Variants in BEND5 observed in about 807,000 individuals in gnomAD.
BEND5 encodes the protein BEN domain-containing protein 5.
In BEND5, 22 loss-of-function variants were observed where a neutral mutation model predicts 43.9. The ratio of observed to expected loss-of-function variants is 0.50; its 90% CI spans 0.36 to 0.72. The LOEUF is 0.72. Ranked by LOEUF, BEND5 falls within the 30% of genes least tolerant of loss-of-function variation. The pLI, the probability that BEND5 is intolerant of heterozygous loss-of-function variation, is 0.00. For missense variants in BEND5, 428 were observed against 550.6 expected, an observed-to-expected ratio of 0.78 and a Z score of 2.23; for synonymous variants, 228 against 225.9, an observed-to-expected ratio of 1.01 and a Z score of -0.08.
At chr1:48,755,329 A>C (rs907595682) in intron 3 of BEND5, among the ~76,000 whole-genome samples, 20 of 152,318 alleles carry the variant, frequency 1.3e-4, no homozygotes, top group African/African-American at 4.8e-4. Context: ...TGATTCTTCC[A>C]GACAGGTAGA....
chr1:48,766,977 A>C lies in BEND5; in HGVS notation c.227-5507T>G, dbSNP rs146612259. On this transcript the variant is annotated intron_variant, in intron 1 of 5. Transcript: ENST00000371833. ...GTGACTTCGTGAGAGACACTGGCTT[A>C]TATAGTGCAAATATCTGCTCTCTAT... Among the ~76,000 whole-genome samples, 503 of 152,356 alleles carry C rather than the reference A, an allele frequency of 3.3e-3. 1 individual carries two copies. Among genetic ancestry groups the C allele is most frequent in the African/African-American group, 0.012 (479 of 41,592 alleles).
intron 4 of BEND5, among the ~76,000 whole-genome samples, chr1:48,737,309 GA>G (rs750040680): frequency 6.6e-6 from 1 of 151,370 alleles, no homozygotes; most frequent in African/African-American, 2.4e-5. Flanking sequence ...AAAAAGAAAA[GA>G]AAAAAAAATC....
chr1:48,769,562 C>CACAT (rs1644704994), intron 1 of BEND5, among the ~76,000 whole-genome samples: 1 of 147,240 alleles, frequency 6.8e-6, no homozygotes, highest in South Asian at 2.2e-4. Context: ...CACACACACA[C>CACAT]ACACACACAA....
At position 48,776,688 on chromosome 1, in the gene BEND5, G is replaced by T. The variant is rs776865452; in HGVS notation, c.144C>A (p.Gly48=). The T allele has an allele frequency of 2.0e-5, 31 of 1,514,846 alleles. No individual in the cohort carries two copies. The highest frequency in any genetic ancestry group is 2.6e-5 in the Non-Finnish European group (30 of 1,132,850). 93.8% of individuals were successfully genotyped at this position (1,514,846 alleles called of 1,614,324 possible). ...CGCGCGGGGGGCTCTCGGGCCCGGC[G>T]CCCAATTCCTCCGGGCCCCGGTACA... is the stretch of plus-strand genomic sequence containing the variant. The part of the protein sequence containing the change: ...YAVYRGPEEL[G]AGPESPPRAP... The change falls in exon 1 of 6, where the codon GGC becomes GGA. Residue 48 remains glycine (G), a synonymous_variant. Coordinates refer to ENST00000371833, the MANE Select transcript of BEND5 (RefSeq NM_024603.4).
intron 1 of BEND5, among the ~76,000 whole-genome samples, chr1:48,774,623 C>T (rs1644989297): frequency 6.6e-6 from 1 of 152,182 alleles, no homozygotes; most frequent in Admixed American, 6.5e-5. Context: ...ACAGATTTAT[C>T]AACATTCTAA....
intron 1 of BEND5, among the ~76,000 whole-genome samples, chr1:48,763,569 A>G (rs1644384624): frequency 6.6e-6 from 1 of 152,112 alleles, no homozygotes; most frequent in African/African-American, 2.4e-5. Flanking sequence ...GTGTTGGGGC[A>G]AAGCTCCTGG....
Position 48,744,553 on chromosome 1 carries a change from C to T in BEND5, c.746-1782G>A, listed in dbSNP as rs535172883. ...GAGGTCCATGAAAGGCACTCACTCA[C>T]GGTCATTTTTAGCAAGAACATGTCT... On this transcript the variant is annotated intron_variant, in intron 3 of 5. Coordinates refer to ENST00000371833, the MANE Select transcript of BEND5 (RefSeq NM_024603.4). Among the ~76,000 whole-genome samples the T allele has an allele frequency of 2.2e-3, 337 of 152,278 alleles. 1 individual carries two copies. The highest frequency in any genetic ancestry group is 2.2e-3 in the Non-Finnish European group (147 of 68,022).
intron 4 of BEND5, among the ~76,000 whole-genome samples, chr1:48,738,367 T>A (rs935091284): frequency 3.3e-5 from 5 of 152,208 alleles, no homozygotes; most frequent in Admixed American, 3.3e-4. Context: ...AATCTGTTCA[T>A]CCGCTCAGGA....
intron 5 of BEND5, among the ~76,000 whole-genome samples, chr1:48,734,259 TG>T (rs1648650867): frequency 6.6e-6 from 1 of 152,010 alleles, no homozygotes; most frequent in East Asian, 1.9e-4. Context: ...AGTCGGCGGG[TG>T]TGTGTTTGAA....
chr1:48,758,541 T>C (rs1389037536), intron 3 of BEND5, among the ~76,000 whole-genome samples: 1 of 152,250 alleles, frequency 6.6e-6, no homozygotes, highest in Non-Finnish European at 1.5e-5. Flanking sequence ...GTTAGGATCA[T>C]GTCTACTTCT....
intron 4 of BEND5, 99 bp downstream of exon 4, chr1:48,742,524 C>T: frequency 8.0e-7 from 1 of 1,253,770 alleles, no homozygotes; most frequent in Non-Finnish European, 1.0e-6. Flanking sequence ...AGGAGGCCAA[C>T]CAGTCAAGCT....
intron 5 of BEND5, among the ~76,000 whole-genome samples, chr1:48,732,870 C>G (rs181470144): frequency 1.3e-5 from 2 of 152,218 alleles, no homozygotes; most frequent in Admixed American, 1.3e-4. Flanking sequence ...GGAGAGGGCC[C>G]ATCAAGGAGA....
chr1:48,776,713 A>C lies in BEND5; in HGVS notation c.119T>G (p.Val40Gly). ...GCCCAATTCCTCCGGGCCCCGGTACACGGCGTACACCTTCTGGTTGTCAAA... is the reference window on the plus strand; with the variant it reads ...GCCCAATTCCTCCGGGCCCCGGTACCCGGCGTACACCTTCTGGTTGTCAAA... Reference protein sequence around the residue: ...LDFDNQKVYAVYRGPEELGAG... With the variant: ...LDFDNQKVYAGYRGPEELGAG... Residue 40 changes from valine to glycine, a missense_variant, in exon 1 of 6, where the codon GTG becomes GGG. Val to Gly is a moderately radical substitution (Grantham distance 109). Coordinates refer to ENST00000371833, the MANE Select transcript of BEND5 (RefSeq NM_024603.4). 6.6e-7 allele frequency: 1 copy of C among 1,522,312 alleles called. No individual in the cohort carries two copies. The highest frequency in any genetic ancestry group is 8.8e-7 in the Non-Finnish European group (1 of 1,135,730). The allele number at this position is 1,522,312 out of a possible 1,614,324, so 94.3% of individuals were successfully genotyped here.
intron 1 of BEND5, among the ~76,000 whole-genome samples, chr1:48,773,920 G>C (rs1046699086): frequency 6.6e-6 from 1 of 152,210 alleles, no homozygotes; most frequent in African/African-American, 2.4e-5. Context: ...GTTTTTCCTT[G>C]AACTGGGATT....
intron 1 of BEND5, among the ~76,000 whole-genome samples, chr1:48,774,697 C>G (rs893216308): frequency 6.6e-6 from 1 of 152,216 alleles, no homozygotes; most frequent in Non-Finnish European, 1.5e-5. Flanking sequence ...CTACATGTAT[C>G]TTGCTTCTGA....
At chr1:48,772,481 C>T (rs539902223) in intron 1 of BEND5, among the ~76,000 whole-genome samples, 5 of 152,118 alleles carry the variant, frequency 3.3e-5, no homozygotes, top group East Asian at 1.9e-4. Flanking sequence ...CAAAGGAGTG[C>T]GAGAGAGTGT....
chr1:48,764,433 T>C (rs138532734), intron 1 of BEND5, among the ~76,000 whole-genome samples: 2 of 152,064 alleles, frequency 1.3e-5, no homozygotes, highest in African/African-American at 4.8e-5. Flanking sequence ...ATTTAAAGGA[T>C]GGTAAGAATC....
chr1:48,771,733 C>T (rs1055044688), intron 1 of BEND5, among the ~76,000 whole-genome samples: 1 of 152,236 alleles, frequency 6.6e-6, no homozygotes, highest in Non-Finnish European at 1.5e-5. Context: ...TGCTTCACTG[C>T]TAACTTTGTA....
At position 48,729,168 on chromosome 1, in the gene BEND5, A is replaced by G. The variant is rs80149480; in HGVS notation, c.1109-1125T>C. Among the ~76,000 whole-genome samples, 487 of 152,316 alleles carry G rather than the reference A, an allele frequency of 3.2e-3. 9 individuals carry two copies. The highest frequency in any genetic ancestry group is 0.029 in the East Asian group (150 of 5,182). On this transcript the variant is annotated intron_variant, in intron 5 of 5. Coordinates refer to ENST00000371833, the MANE Select transcript of BEND5 (RefSeq NM_024603.4). Reference sequence around the variant, plus strand: ...AACATGTTGCCTTTTTCAAGTTGTAAGGAATACTACACCTGTATGGGGTTG... The same window carrying G: ...AACATGTTGCCTTTTTCAAGTTGTAGGGAATACTACACCTGTATGGGGTTG...
Sources: allele counts gnomAD v4.1 joint callset (sites outside exome capture counted in the v4.1 genomes callset), GRCh38; gene constraint gnomAD v4.1.1; transcripts MANE v1.5; gene names NCBI Gene and HGNC (gene_info 2026-07-23, HGNC 2026-07-21).